ZNF487: variants seen among roughly 807,000 people sequenced by gnomAD.
ZNF487 encodes zinc finger protein 487, also known as KRAB domain only 1.
In ZNF487, 4 loss-of-function variants were observed where a neutral mutation model predicts 3.0. The observed-to-expected ratio is 1.35, with a 90% CI of 0.66 to 3.08. The LOEUF is 3.08. ZNF487 is among the 30% of genes most tolerant of loss of function. The pLI is 0.01. For missense variants in ZNF487, 146 were observed against 98.7 expected (o/e 1.48, Z -2.03); for synonymous variants, 55 against 34.6 (o/e 1.59, Z -2.06).
the ZNF487 span, among the ~76,000 whole-genome samples, chr10:43,512,922 A>G: frequency 3.6e-4 from 55 of 152,342 alleles, no homozygotes; most frequent in Non-Finnish European, 7.2e-4. Flanking sequence ...TCACCTTAGA[A>G]GGAATATCTC....
the ZNF487 span, among the ~76,000 whole-genome samples, chr10:43,494,183 C>A: frequency 6.6e-6 from 1 of 152,184 alleles, no homozygotes. Flanking sequence ...GTGGTGACTA[C>A]TTGTCCCTGC....
At chr10:43,456,868 A>T (rs1840224511) in intron 1 of ZNF487, among the ~76,000 whole-genome samples, 1 of 152,220 alleles carries the variant, frequency 6.6e-6, no homozygotes, top group South Asian at 2.1e-4. Context: ...GGCGTGAGCC[A>T]CTGCTCCTGG....
intron 1 of ZNF487, chr10:43,454,784 C>T (rs1371255978): frequency 6.6e-6 from 1 of 152,038 alleles, no homozygotes; most frequent in East Asian, 1.9e-4. Context: ...TGCATTCTCT[C>T]TACACCTATT....
chr10:43,488,477 T>C, the ZNF487 span, among the ~76,000 whole-genome samples: 1 of 152,092 alleles, frequency 6.6e-6, no homozygotes, highest in Non-Finnish European at 1.5e-5. Context: ...CTAAAAGCAG[T>C]TTGTTGCAAC....
intron 1 of ZNF487, among the ~76,000 whole-genome samples, chr10:43,469,377 G>A (rs1840822714): frequency 6.6e-6 from 1 of 151,992 alleles, no homozygotes; most frequent in African/African-American, 2.4e-5. Context: ...TATTTTTATA[G>A]AGACGGGCTT....
At chr10:43,447,058 G>A (rs1250187701) in intron 1 of ZNF487, among the ~76,000 whole-genome samples, 2 of 151,902 alleles carry the variant, frequency 1.3e-5, no homozygotes, top group Non-Finnish European at 2.9e-5. Context: ...GCGTGGCAGC[G>A]TGCCCCTACA....
the ZNF487 span, among the ~76,000 whole-genome samples, chr10:43,488,191 GAAAT>G: frequency 6.1e-3 from 931 of 151,790 alleles, 9 homozygotes; most frequent in African/African-American, 0.018. Flanking sequence ...AATCATAAAA[GAAAT>G]CATCCCTTAA....
rs956249499 is a variant in ZNF487 at position 43,449,571 on chromosome 10, TA to T, written c.-94+12318del. 1.2e-4 allele frequency among the ~76,000 whole-genome samples: 18 copies of T among 151,714 alleles called. 1 individual carries two copies. ...ACTATAAGCTTGTGAATTCAGTATT[TA>T]AAAAAAAATTCCTTTTCAGTATTTT... On this transcript the variant is annotated intron_variant, in intron 1 of 3. Transcript: ENST00000437590.
intron 1 of ZNF487, among the ~76,000 whole-genome samples, chr10:43,456,683 C>A (rs1194003343): frequency 6.6e-6 from 1 of 152,072 alleles, no homozygotes; most frequent in African/African-American, 2.4e-5. Context: ...CGGGTTCAAG[C>A]GATTCTCCTG....
the ZNF487 span, among the ~76,000 whole-genome samples, chr10:43,495,371 G>A: frequency 2.0e-5 from 3 of 152,078 alleles, no homozygotes; most frequent in African/African-American, 7.2e-5. Flanking sequence ...AGCCTCCTGA[G>A]TAGCTGGGAT....
chr10:43,489,790 G>A, the ZNF487 span, among the ~76,000 whole-genome samples: 1 of 152,124 alleles, frequency 6.6e-6, no homozygotes, highest in Non-Finnish European at 1.5e-5. Context: ...TTGGAGCAAA[G>A]TCCTGAAGGA....
chr10:43,465,548 C>A (rs1162014124), intron 1 of ZNF487, among the ~76,000 whole-genome samples: 1 of 146,934 alleles, frequency 6.8e-6, no homozygotes, highest in Middle Eastern at 3.8e-3. Flanking sequence ...ACATCCCTGA[C>A]GGGGCGGCGG....
chr10:43,467,190 C>T (rs554242609), intron 1 of ZNF487, among the ~76,000 whole-genome samples: 6 of 151,762 alleles, frequency 4.0e-5, no homozygotes, highest in African/African-American at 1.5e-4. Context: ...GTAATTTTGA[C>T]TTTCAAGTTT....
chr10:43,519,332 G>A, the ZNF487 span, among the ~76,000 whole-genome samples: 1 of 152,028 alleles, frequency 6.6e-6, no homozygotes, highest in African/African-American at 2.4e-5. Context: ...TATTTGTTAT[G>A]ATCTTGCTCT....
chr10:43,445,345 T>C (rs1008556818), intron 1 of ZNF487, among the ~76,000 whole-genome samples: 5 of 152,174 alleles, frequency 3.3e-5, no homozygotes, highest in Middle Eastern at 3.2e-3. Context: ...TAATTCTCAT[T>C]GTAGGTCATG....
the ZNF487 span, among the ~76,000 whole-genome samples, chr10:43,493,709 A>AAAAAAAAAAAAAAAT: frequency 3.2e-4 from 14 of 43,688 alleles, no homozygotes; most frequent in African/African-American, 1.0e-3. Flanking sequence ...AAAAAAAAAA[A>AAAAAAAAAAAAAAAT]ATATATATAT....
intron 1 of ZNF487, among the ~76,000 whole-genome samples, chr10:43,441,034 A>ATTTTTTT (rs763451709): frequency 0.016 from 692 of 44,578 alleles, 155 homozygotes; most frequent in Middle Eastern, 0.071. Flanking sequence ...ACCTGGTTAA[A>ATTTTTTT]TTTTTTTTTT....
Position 43,480,019 on chromosome 10 carries a change from CT to C in ZNF487, c.131-1407del, listed in dbSNP as rs1202085329. ...TCTTTCTTTCTTTCTTTCTTTCTTT[CT>C]TTCTTTCTTTCTTTCTTTCTTTCTT... On this transcript the variant is annotated intron_variant, in intron 3 of 3. Coordinates refer to ENST00000437590, the MANE Select transcript of ZNF487 (RefSeq NM_001355444.3). Among the ~76,000 whole-genome samples, 13 of 67,310 alleles carry C rather than the reference CT, an allele frequency of 1.9e-4. No individual in the cohort carries two copies. The South Asian group carries it at 5.2e-3, about 27-fold the overall frequency. The allele number at this position is 67,310 out of a possible 152,430, so 44.2% of individuals were successfully genotyped here.
At chr10:43,504,591 G>C in the ZNF487 span, among the ~76,000 whole-genome samples, 36 of 150,672 alleles carry the variant, frequency 2.4e-4, no homozygotes, top group African/African-American at 8.0e-4. Context: ...CACCATGCCC[G>C]GCACATGTTT....
Sources: gnomAD v4.1 joint callset for allele counts (sites outside exome capture counted in the v4.1 genomes callset) on GRCh38, gnomAD v4.1.1 for gene constraint, MANE v1.5 for transcripts, NCBI Gene and HGNC (gene_info 2026-07-23, HGNC 2026-07-21) for gene names.